The following SETBP1 variants were observed in gnomAD, a reference collection of about 807,000 sequenced individuals.
SETBP1 encodes SET binding protein 1.
Under a neutral mutation model 101.0 loss-of-function variants are expected in SETBP1, and 9 were observed. That is an observed-to-expected ratio of 0.09 (90% CI 0.05 to 0.16). The LOEUF is 0.16. SETBP1 is among the 10% of genes least tolerant of loss of function. The probability of loss-of-function intolerance (pLI) is 1.00; values close to 1 mark genes in which losing one functional copy is unlikely to be tolerated. For synonymous variants in SETBP1, 818 were observed against 788.5 expected, an observed-to-expected ratio of 1.04 and a Z score of -0.63; for missense variants, 1,858 against 2,033.8, an observed-to-expected ratio of 0.91 and a Z score of 1.66.
chr18:45,040,061 A>T (rs2073478596), intron 5 of SETBP1, among the ~76,000 whole-genome samples: 1 of 152,160 alleles, frequency 6.6e-6, no homozygotes, highest in African/African-American at 2.4e-5. Context: ...TTACACAATC[A>T]TATCTGAACA....
intron 2 of SETBP1, among the ~76,000 whole-genome samples, chr18:44,854,183 C>T (rs1444707297): frequency 6.6e-6 from 1 of 152,148 alleles, no homozygotes; most frequent in Admixed American, 6.5e-5. Context: ...CTGGCACTTG[C>T]AGGGGCTCCC....
chr18:44,680,846 A>G (rs2068748533), upstream of SETBP1: 1 of 144,994 alleles, frequency 6.9e-6, no homozygotes. Flanking sequence ...GGGAGGGGGT[A>G]AGGAAAGGGG....
chr18:44,772,087 C>T (rs2070886943), intron 2 of SETBP1, among the ~76,000 whole-genome samples: 1 of 152,162 alleles, frequency 6.6e-6, no homozygotes, highest in Non-Finnish European at 1.5e-5. Flanking sequence ...TATGCTTCCT[C>T]TTTCCCCATC....
rs1416311493 is a variant in SETBP1 at position 44,989,063 on chromosome 18, A to C, written c.4000+35723A>C. 2.6e-5 allele frequency: 4 copies of C among 152,224 alleles called. No individual in the cohort carries two copies. In the East Asian group the frequency reaches 7.7e-4, roughly 29 times the overall value. 9.4% of individuals were successfully genotyped at this position (152,224 alleles called of 1,614,324 possible). ...ATGCCAAAAACATAAATCATGATAAAATATGATAATGCAAAATACATGAGG... is the reference window on the plus strand; with the variant it reads ...ATGCCAAAAACATAAATCATGATAACATATGATAATGCAAAATACATGAGG... On this transcript the variant is annotated intron_variant, in intron 4 of 5. Coordinates refer to ENST00000649279, the MANE Select transcript of SETBP1 (RefSeq NM_015559.3).
Position 44,952,218 on chromosome 18 carries a change from C to G in SETBP1, c.2878C>G (p.Leu960Val). Residue 960 changes from leucine to valine, a missense_variant, in exon 4 of 6, where the codon CTA becomes GTA. Coordinates refer to ENST00000649279, the MANE Select transcript of SETBP1 (RefSeq NM_015559.3). ...CCAGTTTCTGGCAGACCTGGAGGAGCTAATCACCAAGTTCCAAGTGTTCAG... is the reference window on the plus strand; with the variant it reads ...CCAGTTTCTGGCAGACCTGGAGGAGGTAATCACCAAGTTCCAAGTGTTCAG... ...DLQFLADLEE[L>V]ITKFQVFRIS... The G allele has an allele frequency of 6.2e-7, 1 of 1,614,148 alleles. No individual in the cohort carries two copies. The highest frequency in any genetic ancestry group is 8.5e-7 in the Non-Finnish European group (1 of 1,180,018).
At chr18:45,054,870 C>A (rs2073783250) in intron 5 of SETBP1, among the ~76,000 whole-genome samples, 1 of 152,244 alleles carries the variant, frequency 6.6e-6, no homozygotes, top group South Asian at 2.1e-4. Flanking sequence ...AGACCAGGAC[C>A]TGTGAATTGC....
intron 2 of SETBP1, among the ~76,000 whole-genome samples, chr18:44,716,811 C>A (rs574488876): frequency 1.3e-5 from 2 of 152,306 alleles, no homozygotes; most frequent in African/African-American, 2.4e-5. Flanking sequence ...GATCCACCCA[C>A]CTTGGCCTCC....
chr18:44,953,217 A>G lies in SETBP1; in HGVS notation c.3877A>G (p.Ser1293Gly), dbSNP rs2071406054. ...EMNPSNDKWD[S>G]DVSGSKRRSY... is the part of the protein sequence containing the mutation. ...GAACCCTTCGAATGACAAGTGGGAC[A>G]GTGACGTGAGTGGGAGTAAAAGGAG... The change falls in exon 4 of 6, where the codon AGT (serine) becomes GGT (glycine). Residue 1293 changes from serine to glycine, a missense_variant. Coordinates refer to ENST00000649279, the MANE Select transcript of SETBP1 (RefSeq NM_015559.3). 6.2e-7 allele frequency: 1 copy of G among 1,614,170 alleles called. No individual in the cohort carries two copies. Among genetic ancestry groups the G allele is most frequent in the Non-Finnish European group, 8.5e-7 (1 of 1,180,030 alleles).
chr18:44,907,318 A>G (rs1202825566), intron 3 of SETBP1, among the ~76,000 whole-genome samples: 2 of 152,206 alleles, frequency 1.3e-5, no homozygotes, highest in Non-Finnish European at 2.9e-5. Flanking sequence ...ATGAACATTT[A>G]TGTAGAAGTT....
At chr18:44,782,862 A>G (rs1029805779) in intron 2 of SETBP1, among the ~76,000 whole-genome samples, 1 of 152,152 alleles carries the variant, frequency 6.6e-6, no homozygotes, top group Non-Finnish European at 1.5e-5. Context: ...TGTGATAATT[A>G]TATCTTACCA....
intron 3 of SETBP1, among the ~76,000 whole-genome samples, chr18:44,946,499 C>T (rs1325712179): frequency 1.3e-5 from 2 of 152,154 alleles, no homozygotes; most frequent in African/African-American, 2.4e-5. Flanking sequence ...GTAAAAATTG[C>T]ATTGAAGGGG....
intron 3 of SETBP1, among the ~76,000 whole-genome samples, chr18:44,900,018 A>G (rs949547744): frequency 6.6e-6 from 1 of 152,200 alleles, no homozygotes; most frequent in Non-Finnish European, 1.5e-5. Flanking sequence ...AGATCATGCA[A>G]TAATGAATGG....
chr18:44,927,719 TC>T (rs2070736602), intron 3 of SETBP1, among the ~76,000 whole-genome samples: 1 of 152,138 alleles, frequency 6.6e-6, no homozygotes, highest in African/African-American at 2.4e-5. Context: ...ATCAGTGACC[TC>T]TCCCAGACCT....
intron 3 of SETBP1, among the ~76,000 whole-genome samples, chr18:44,895,498 T>C (rs1478334117): frequency 4.6e-5 from 7 of 152,070 alleles, no homozygotes; most frequent in East Asian, 1.9e-4. Flanking sequence ...GTCTTCTCTG[T>C]TGAGTGATTA....
At chr18:44,991,313 AAAT>A (rs2072373619) in intron 4 of SETBP1, among the ~76,000 whole-genome samples, 1 of 151,752 alleles carries the variant, frequency 6.6e-6, no homozygotes, top group Non-Finnish European at 1.5e-5. Context: ...TCATGAAATA[AAAT>A]AATAATAACA....
intron 2 of SETBP1, among the ~76,000 whole-genome samples, chr18:44,833,292 T>C (rs753474157): frequency 3.3e-5 from 5 of 152,214 alleles, no homozygotes; most frequent in Non-Finnish European, 5.9e-5. Flanking sequence ...CAGTTGTGTT[T>C]AAGGTGGAAA....
chr18:44,850,472 G>C (rs576508172), intron 2 of SETBP1, among the ~76,000 whole-genome samples: 1 of 152,122 alleles, frequency 6.6e-6, no homozygotes, highest in Non-Finnish European at 1.5e-5. Flanking sequence ...CCTGGTTCAA[G>C]CAATTCTCCT....
At chr18:44,834,229 C>G (rs2072441528) in intron 2 of SETBP1, among the ~76,000 whole-genome samples, 1 of 152,090 alleles carries the variant, frequency 6.6e-6, no homozygotes, top group Admixed American at 6.5e-5. Flanking sequence ...ACAGAAGCTC[C>G]CAAGAGGGCT....
intron 2 of SETBP1, among the ~76,000 whole-genome samples, chr18:44,741,977 G>A (rs1038893074): frequency 6.6e-6 from 1 of 152,214 alleles, no homozygotes; most frequent in African/African-American, 2.4e-5. Context: ...AAGGACGGAG[G>A]TGGAGGTGGG....
Sources: allele counts gnomAD v4.1 joint callset (sites outside exome capture counted in the v4.1 genomes callset), GRCh38; gene constraint gnomAD v4.1.1; transcripts MANE v1.5; gene names NCBI Gene and HGNC (gene_info 2026-07-23, HGNC 2026-07-21).